CACNA1S: variants seen among roughly 807,000 people sequenced by gnomAD.
CACNA1S encodes calcium voltage-gated channel subunit alpha1 S.
CACNA1S carries 126 observed loss-of-function variants against 207.4 expected under a neutral mutation model. The observed-to-expected ratio is 0.61, with a 90% CI of 0.53 to 0.70. The LOEUF (loss-of-function observed/expected upper bound fraction) is 0.70, where lower values mean the gene tolerates loss of function less well. Among genes scored for constraint, CACNA1S ranks in the 30% least tolerant of loss-of-function variants. CACNA1S has a pLI of 0.00. For missense variants in CACNA1S, 2,349 were observed against 2,422.8 expected (o/e 0.97, Z 0.64); for synonymous variants, 960 against 932.7 (o/e 1.03, Z -0.53).
intron 22 of CACNA1S, among the ~76,000 whole-genome samples, chr1:201,064,636 G>A (rs1661181350): frequency 6.6e-6 from 1 of 152,354 alleles, no homozygotes; most frequent in South Asian, 2.1e-4. Flanking sequence ...TTGGTGATAG[G>A]AGGAGCAGCT....
At chr1:201,052,710 C>T in intron 31 of CACNA1S, 62 bp from the exon 32 acceptor site, 1 of 1,348,858 alleles carries the variant, frequency 7.4e-7, no homozygotes, top group Non-Finnish European at 1.1e-6. Context: ...CAGCTTATCC[C>T]CCACTGCCTT....
chr1:201,058,547 TGG>T, intron 27 of CACNA1S, 56 bp from the exon 28 acceptor site: 3 of 1,381,308 alleles, frequency 2.2e-6, no homozygotes, highest in Non-Finnish European at 3.1e-6. Flanking sequence ...GAAGGAGCTC[TGG>T]CTGCTGGCAG....
intron 6 of CACNA1S, 38 bp from the exon 7 acceptor site, chr1:201,087,967 C>T (rs2102158333): frequency 7.3e-7 from 1 of 1,363,534 alleles, no homozygotes; most frequent in East Asian, 2.3e-5. Flanking sequence ...GAGTTGAGGG[C>T]TTGGTTCCTC....
At chr1:201,092,903 C>T (rs538827486) in intron 3 of CACNA1S, among the ~76,000 whole-genome samples, 21 of 152,296 alleles carry the variant, frequency 1.4e-4, no homozygotes, top group Admixed American at 5.2e-4. Flanking sequence ...CCTCTGGAGC[C>T]GAGACTGCTT....
At chr1:201,048,393 G>A (rs1243532004) in intron 36 of CACNA1S, among the ~76,000 whole-genome samples, 189 bp downstream of exon 36, 1 of 152,190 alleles carries the variant, frequency 6.6e-6, no homozygotes, top group Non-Finnish European at 1.5e-5. Flanking sequence ...TCTTTGCCCT[G>A]CAGAAAACCC....
At chr1:201,073,903 TG>T (rs1453121673) in intron 14 of CACNA1S, among the ~76,000 whole-genome samples, 1 of 152,072 alleles carries the variant, frequency 6.6e-6, no homozygotes, top group African/African-American at 2.4e-5. Flanking sequence ...AGTGAATGGG[TG>T]GAGTGTGGCT....
chr1:201,078,026 T>C lies in CACNA1S; in HGVS notation c.1472A>G (p.Tyr491Cys), dbSNP rs780841536. The part of the protein sequence containing the change: ...MKMYGLGLRQ[Y>C]FMSIFNRFDC... Reference sequence around the variant, plus strand: ...GAAGCGGTTGAAGATAGACATGAAGTACTGGCGCAGGCCCAGCCCGTACAT... The same window carrying C: ...GAAGCGGTTGAAGATAGACATGAAGCACTGGCGCAGGCCCAGCCCGTACAT... The change falls in exon 11 of 44, where the codon TAC (tyrosine) becomes TGC (cysteine). Residue 491 changes from tyrosine to cysteine, a missense_variant. Tyr to Cys is a radical substitution (Grantham distance 194). Transcript: ENST00000362061. The C allele has an allele frequency of 1.9e-6, 3 of 1,613,996 alleles. No homozygotes were observed. The South Asian group carries it at 3.3e-5, about 18-fold the overall frequency.
intron 43 of CACNA1S, 70 bp from the exon 44 acceptor site, chr1:201,040,152 C>T: frequency 9.9e-6 from 16 of 1,611,924 alleles, no homozygotes; most frequent in Non-Finnish European, 1.4e-5. Context: ...CCTCTGTTGG[C>T]CCTACCCTCT....
At chr1:201,093,111 G>A (rs1662296313) in intron 3 of CACNA1S, among the ~76,000 whole-genome samples, 1 of 152,198 alleles carries the variant, frequency 6.6e-6, no homozygotes, top group Non-Finnish European at 1.5e-5. Context: ...GTTACTCATG[G>A]TAATGCTATG....
intron 10 of CACNA1S, among the ~76,000 whole-genome samples, chr1:201,078,312 C>T (rs1661708639): frequency 6.6e-6 from 1 of 152,078 alleles, no homozygotes; most frequent in Non-Finnish European, 1.5e-5. Context: ...GCCTCGACTT[C>T]CCAGGATCAA....
chr1:201,069,018 C>A (rs1661354740), intron 19 of CACNA1S, 119 bp downstream of exon 19: 1 of 915,334 alleles, frequency 1.1e-6, no homozygotes. Flanking sequence ...TCCCATGAGT[C>A]TTTCCTGCCA....
Position 201,069,618 on chromosome 1 carries a change from G to A in CACNA1S, c.2361-17C>T. The A allele has an allele frequency of 6.4e-7, 1 of 1,551,144 alleles. No homozygotes were observed. The highest frequency in any genetic ancestry group is 1.2e-5 in the South Asian group (1 of 83,902). ...ACACGGATCCTGGTGGGGCGAGGTA[G>A]GGAGGGCAGGGGAGCTGTGAGCTGC... On this transcript the variant is annotated splice_polypyrimidine_tract_variant and intron_variant, in intron 17 of 43. Coordinates refer to ENST00000362061, the MANE Select transcript of CACNA1S (RefSeq NM_000069.3).
intron 37 of CACNA1S, 69 bp from the exon 38 acceptor site, chr1:201,047,308 C>A: frequency 6.3e-7 from 1 of 1,597,300 alleles, no homozygotes; most frequent in Non-Finnish European, 8.6e-7. Flanking sequence ...AGAGTGGGAG[C>A]CAGCTGTAGC....
intron 41 of CACNA1S, 152 bp downstream of exon 41, chr1:201,041,352 T>G (rs368769049): frequency 1.4e-6 from 1 of 706,198 alleles, no homozygotes; most frequent in Non-Finnish European, 2.6e-6. Context: ...GTCCTGATGG[T>G]TTTCCCATTC....
At chr1:201,089,124 A>C (rs1441542363) in intron 6 of CACNA1S, 134 bp downstream of exon 6, 3 of 794,892 alleles carry the variant, frequency 3.8e-6, no homozygotes, top group Admixed American at 2.0e-5. Context: ...TTCCCCAGGG[A>C]GGAGCAAGAG....
At chr1:201,097,886 C>G (rs908197454) in intron 2 of CACNA1S, among the ~76,000 whole-genome samples, 13 of 152,186 alleles carry the variant, frequency 8.5e-5, no homozygotes, top group African/African-American at 2.4e-4. Context: ...ATTTTGGGCT[C>G]AGGGCTTCTG....
chr1:201,047,351 G>A, intron 37 of CACNA1S, 112 bp from the exon 38 acceptor site: 1 of 1,472,522 alleles, frequency 6.8e-7, no homozygotes, highest in Non-Finnish European at 9.4e-7. Flanking sequence ...CCTTTGTCTT[G>A]CTGACTTGGT....
Position 201,047,160 on chromosome 1 carries a change from CT to C in CACNA1S, c.4622del (p.Glu1541GlyfsTer93). The C allele has an allele frequency of 6.2e-7, 1 of 1,614,198 alleles. No homozygotes were observed. Among genetic ancestry groups the C allele is most frequent in the Non-Finnish European group, 8.5e-7 (1 of 1,180,028 alleles). Reference protein sequence around the residue: ...EHFRKFMKRQEEYYGYRPKKD... With the variant: ...EHFRKFMKRQXEYYGYRPKKD... ...TCTTGGGCCGATAGCCATAATACTC[CT>C]CTTGGCGTTTCATGAACTTCCGGAA... On this transcript the variant is annotated frameshift_variant, in exon 38 of 44. Coordinates refer to ENST00000362061, the MANE Select transcript of CACNA1S (RefSeq NM_000069.3). LOFTEE classifies it high-confidence loss of function.
chr1:201,044,034 C>A (rs534982855), intron 39 of CACNA1S, among the ~76,000 whole-genome samples: 6 of 152,080 alleles, frequency 3.9e-5, no homozygotes, highest in Non-Finnish European at 7.4e-5. Flanking sequence ...GGCATTTGAT[C>A]CTGGAGGGCC....
Sources: gnomAD v4.1 joint callset for allele counts (sites outside exome capture counted in the v4.1 genomes callset) on GRCh38, gnomAD v4.1.1 for gene constraint, MANE v1.5 for transcripts, NCBI Gene and HGNC (gene_info 2026-07-23, HGNC 2026-07-21) for gene names.